The following DLGAP2 variants were observed in gnomAD, a reference collection of about 807,000 sequenced individuals.
The protein encoded by DLGAP2 is DLG associated protein 2, also known as disks large-associated protein 2.
In DLGAP2, 26 loss-of-function variants were observed where a neutral mutation model predicts 100.3. The observed-to-expected ratio is 0.26, with a 90% CI of 0.19 to 0.36. The LOEUF is 0.36. Ranked by LOEUF, DLGAP2 falls within the 10% of genes least tolerant of loss-of-function variation. DLGAP2 has a pLI of 1.00. For synonymous variants in DLGAP2, 886 were observed against 630.1 expected (o/e 1.41, Z -6.08); for missense variants, 1,858 against 1,453.2 (o/e 1.28, Z -4.53).
intron 3 of DLGAP2, among the ~76,000 whole-genome samples, chr8:1,319,564 C>T (rs1277921370): frequency 6.6e-6 from 1 of 152,212 alleles, no homozygotes; most frequent in Non-Finnish European, 1.5e-5. Context: ...TCACTGATTT[C>T]AAGGAGCTTG....
At chr8:918,156 C>T (rs983369466) in intron 2 of DLGAP2, among the ~76,000 whole-genome samples, 16 of 152,088 alleles carry the variant, frequency 1.1e-4, no homozygotes, top group African/African-American at 3.6e-4. Context: ...GTCTGAATTC[C>T]GAAGGCATTC....
chr8:1,448,394 G>C (rs1215259349), intron 3 of DLGAP2, among the ~76,000 whole-genome samples: 1 of 152,162 alleles, frequency 6.6e-6, no homozygotes, highest in African/African-American at 2.4e-5. Context: ...TAGTTGAGTG[G>C]TTTTGAGTGA....
intron 2 of DLGAP2, among the ~76,000 whole-genome samples, chr8:1,164,027 T>A (rs995818045): frequency 3.3e-5 from 5 of 152,178 alleles, no homozygotes; most frequent in African/African-American, 4.8e-5. Flanking sequence ...ACGCTTTCCT[T>A]CATCTCCTCT....
chr8:1,216,379 C>T (rs182867687), intron 2 of DLGAP2, among the ~76,000 whole-genome samples: 1 of 152,084 alleles, frequency 6.6e-6, no homozygotes, highest in East Asian at 1.9e-4. Context: ...GGCAGGGTCT[C>T]ACTCTGTTGC....
chr8:1,694,711 AC>A (rs1784231491), intron 13 of DLGAP2, among the ~76,000 whole-genome samples: 1 of 152,138 alleles, frequency 6.6e-6, no homozygotes, highest in African/African-American at 2.4e-5. Context: ...GCCCCAGGCC[AC>A]ACGGGGCACC....
intron 2 of DLGAP2, among the ~76,000 whole-genome samples, chr8:1,063,151 G>A (rs1803139363): frequency 6.6e-6 from 1 of 152,210 alleles, no homozygotes; most frequent in South Asian, 2.1e-4. Context: ...AAAAAGAAAA[G>A]AGGGAAGATG....
chr8:1,246,578 GCTTAAGATA>G (rs1280747780), intron 2 of DLGAP2, among the ~76,000 whole-genome samples: 8 of 152,230 alleles, frequency 5.3e-5, no homozygotes, highest in Non-Finnish European at 1.2e-4. Context: ...GATGCACAAT[GCTTAAGATA>G]CTACTAGGAA....
chr8:940,489 A>G (rs1584907322), intron 2 of DLGAP2, among the ~76,000 whole-genome samples: 3 of 152,110 alleles, frequency 2.0e-5, no homozygotes, highest in Non-Finnish European at 2.9e-5. Context: ...GGGTGTGGAC[A>G]TCGTCTGTGA....
chr8:858,102 C>G (rs988423956), intron 1 of DLGAP2, among the ~76,000 whole-genome samples: 6 of 152,194 alleles, frequency 3.9e-5, no homozygotes, highest in African/African-American at 1.4e-4. Context: ...GATGATCCAC[C>G]CGCCTTGGCC....
At chr8:765,488 T>G (rs1821186379) in intron 1 of DLGAP2, among the ~76,000 whole-genome samples, 1 of 152,128 alleles carries the variant, frequency 6.6e-6, no homozygotes, top group African/African-American at 2.4e-5. Flanking sequence ...TAATTATTAA[T>G]TGCCAGATAC....
At chr8:900,743 G>A (rs1584874785) in intron 1 of DLGAP2, among the ~76,000 whole-genome samples, 1 of 152,200 alleles carries the variant, frequency 6.6e-6, no homozygotes, top group East Asian at 1.9e-4. Context: ...GAGGTTAACA[G>A]CAGGATGGCA....
At chr8:994,010 G>A (rs1187238876) in intron 2 of DLGAP2, among the ~76,000 whole-genome samples, 4 of 152,030 alleles carry the variant, frequency 2.6e-5, no homozygotes, top group Non-Finnish European at 4.4e-5. Context: ...GTATACTTTT[G>A]TATTTACACT....
At chr8:1,128,711 C>T (rs558887902) in intron 2 of DLGAP2, among the ~76,000 whole-genome samples, 2 of 152,338 alleles carry the variant, frequency 1.3e-5, no homozygotes, top group East Asian at 1.9e-4. Context: ...ATTTTATATA[C>T]TTACGAGCGT....
intron 2 of DLGAP2, among the ~76,000 whole-genome samples, chr8:988,751 C>G (rs1469321329): frequency 6.6e-6 from 1 of 152,160 alleles, no homozygotes; most frequent in Non-Finnish European, 1.5e-5. Context: ...TCTCCACCCT[C>G]CCTAGACCCA....
intron 6 of DLGAP2, among the ~76,000 whole-genome samples, chr8:1,617,937 T>C (rs1482719019): frequency 6.6e-6 from 1 of 152,242 alleles, no homozygotes; most frequent in African/African-American, 2.4e-5. Context: ...ATAATACGTG[T>C]ACTAAAGTAA....
intron 3 of DLGAP2, among the ~76,000 whole-genome samples, chr8:1,290,136 CTA>C: frequency 6.6e-6 from 1 of 152,286 alleles, no homozygotes; most frequent in African/African-American, 2.4e-5. Flanking sequence ...GGCTCTGACT[CTA>C]TTACATAACG....
intron 3 of DLGAP2, among the ~76,000 whole-genome samples, chr8:1,341,219 C>G (rs1342621739): frequency 4.6e-5 from 7 of 152,096 alleles, no homozygotes. Flanking sequence ...GCGCATGGAC[C>G]CCTGAATGTA....
intron 3 of DLGAP2, among the ~76,000 whole-genome samples, chr8:1,477,080 C>T (rs1584940484): frequency 2.0e-5 from 3 of 152,256 alleles, no homozygotes; most frequent in African/African-American, 7.2e-5. Context: ...CAATTAATCA[C>T]GTCACTGCCG....
chr8:768,489 A>T (rs1585842395), intron 1 of DLGAP2, among the ~76,000 whole-genome samples: 1 of 122,970 alleles, frequency 8.1e-6, no homozygotes, highest in South Asian at 2.7e-4. Context: ...CAGTGGTGTG[A>T]TCTTGGCTCA....
Sources: gnomAD v4.1 joint callset for allele counts (sites outside exome capture counted in the v4.1 genomes callset) on GRCh38, gnomAD v4.1.1 for gene constraint, MANE v1.5 for transcripts, NCBI Gene and HGNC (gene_info 2026-07-23, HGNC 2026-07-21) for gene names.